Variants in EVI5L observed in about 807,000 individuals in gnomAD.
EVI5L encodes the protein ecotropic viral integration site 5 like.
Under a neutral mutation model 106.1 loss-of-function variants are expected in EVI5L, and 30 were observed. The observed-to-expected ratio is 0.28, with a 90% CI of 0.21 to 0.38. The LOEUF (loss-of-function observed/expected upper bound fraction) is 0.38. Among genes scored for constraint, EVI5L ranks in the 10% least tolerant of loss-of-function variants. The pLI, the probability that EVI5L is intolerant of heterozygous loss-of-function variation, is 1.00. For synonymous variants in EVI5L, 489 were observed against 483.3 expected (o/e 1.01, Z -0.15); for missense variants, 809 against 1,098.0 (o/e 0.74, Z 3.72).
At position 7,846,624 on chromosome 19, in the gene EVI5L, G is replaced by A. The variant is rs1224849186; in HGVS notation, c.82G>A (p.Glu28Lys). The A allele has an allele frequency of 3.1e-6, 5 of 1,613,666 alleles. No homozygotes were observed. Among genetic ancestry groups the A allele is most frequent in the African/African-American group, 1.3e-5 (1 of 74,936 alleles). The change falls in exon 2 of 20, where the codon GAG becomes AAG. Residue 28 changes from glutamate (E) to lysine (K), a missense_variant. Physicochemically the swap from Glu to Lys is moderately conservative, Grantham distance 56. Around this residue, in one of 2 missense-constraint regions of EVI5L, gnomAD observed 357 missense variants for 588.1 expected, o/e 0.61. Transcript: ENST00000538904. ...CACCTGCTCCCCAACCTCTGACTCC[G>A]AGAACCTCAGCCCCGATGAGCTGGA... is the stretch of plus-strand genomic sequence containing the variant. ...APTCSPTSDS[E>K]NLSPDELELL... is the part of the protein sequence containing the mutation.
intron 10 of EVI5L, among the ~76,000 whole-genome samples, chr19:7,854,293 AAAAAG>A (rs1297474285): frequency 5.8e-5 from 8 of 138,560 alleles, no homozygotes; most frequent in African/African-American, 1.8e-4. Context: ...AAAAAAAAAA[AAAAAG>A]AAAAGAAAAG....
chr19:7,858,319 A>T lies in EVI5L; in HGVS notation c.1362A>T (p.Leu454=). 1.9e-6 allele frequency: 3 copies of T among 1,547,212 alleles called. No homozygotes were observed. The South Asian group carries it at 3.6e-5, about 18-fold the overall frequency. Residue 454 remains leucine, a synonymous_variant, in exon 13 of 20, where the codon CTA becomes CTT. Coordinates refer to ENST00000538904, the MANE Select transcript of EVI5L (RefSeq NM_001159944.3). This position sits in a 1 kb window ranked among gnomAD's most constrained non-coding sequence, Gnocchi z 5.7. ...AGGCACAGAGCACCATCCGGCAGCT[A>T]CAGGAGCAGCAGGTAGGGGCGGGTG... is the stretch of plus-strand genomic sequence containing the variant. The part of the protein sequence containing the change: ...LQKAQSTIRQ[L]QEQQENPRLT...
At chr19:7,840,920 T>G (rs755155336) in intron 1 of EVI5L, among the ~76,000 whole-genome samples, 6 of 152,246 alleles carry the variant, frequency 3.9e-5, no homozygotes, top group Non-Finnish European at 8.8e-5. Flanking sequence ...ACAATGCTGC[T>G]GTGAACAGAT....
At chr19:7,840,519 G>A in intron 1 of EVI5L, among the ~76,000 whole-genome samples, 1 of 152,062 alleles carries the variant, frequency 6.6e-6, no homozygotes, top group Non-Finnish European at 1.5e-5. Context: ...ACAGTTTGGT[G>A]GCATTTATTC....
chr19:7,846,471 G>A (rs892668035), intron 1 of EVI5L, 25 bp from the exon 2 acceptor site: 39 of 1,523,022 alleles, frequency 2.6e-5, no homozygotes, highest in African/African-American at 5.6e-5. Context: ...ACCCAATGCC[G>A]ACCACGCATG....
rs1166362601 is a variant in EVI5L, at chr19:7,860,792, C to G, written c.1503+103C>G. ...GACCCCAGGTCAGAATCCCCCACCC[C>G]CATGCACACACAACCATACATATGC... On this transcript the variant is annotated intron_variant, in intron 14 of 19. Coordinates refer to ENST00000538904, the MANE Select transcript of EVI5L (RefSeq NM_001159944.3). 6.1e-6 allele frequency: 8 copies of G among 1,318,488 alleles called. 1 individual carries two copies. The highest frequency in any genetic ancestry group is 8.1e-6 in the Non-Finnish European group (8 of 984,314). The allele number at this position is 1,318,488 out of a possible 1,614,324, so 81.7% of individuals were successfully genotyped here.
In EVI5L at chr19:7,863,123, A is replaced by AGCGGGGCAGGGCCCGGGGCAGGT. The variant is rs1216103108; in HGVS notation, c.2044-55_2044-54insAGGGCCCGGGGCAGGTGCGGGGC. 1 of 1,531,972 alleles carries AGCGGGGCAGGGCCCGGGGCAGGT rather than the reference A, an allele frequency of 6.5e-7. No individual in the cohort carries two copies. The highest frequency in any genetic ancestry group is 8.8e-7 in the Non-Finnish European group (1 of 1,139,656). The allele number at this position is 1,531,972 out of a possible 1,614,324, so 94.9% of individuals were successfully genotyped here. Reference sequence around the variant, plus strand: ...GGGCGGGGGCAGGGCCCGGGGCAGGAGCGGGGCCGGACCCCAGGCCCAGCA... The same window carrying AGCGGGGCAGGGCCCGGGGCAGGT: ...GGGCGGGGGCAGGGCCCGGGGCAGGAGCGGGGCAGGGCCCGGGGCAGGTGCGGGGCCGGACCCCAGGCCCAGCA... On this transcript the variant is annotated intron_variant, in intron 18 of 19. Coordinates refer to ENST00000538904, the MANE Select transcript of EVI5L (RefSeq NM_001159944.3). The surrounding 1 kb of genome is among the most constrained non-coding windows in gnomAD (Gnocchi z 7.7).
chr19:7,858,284 G>A lies in EVI5L; in HGVS notation c.1327G>A (p.Asp443Asn), dbSNP rs1330857854. 1 of 1,551,264 alleles carries A rather than the reference G, an allele frequency of 6.4e-7. No homozygotes were observed. Among genetic ancestry groups the A allele is most frequent in the Non-Finnish European group, 8.7e-7 (1 of 1,147,824 alleles). Residue 443 changes from aspartate (D) to asparagine (N), a missense_variant, in exon 13 of 20, where the codon GAC (aspartate) becomes AAC (asparagine). By Grantham distance (23) the Asp-to-Asn change is conservative (BLOSUM62 1). Around this residue, in one of 2 missense-constraint regions of EVI5L, gnomAD observed 452 missense variants for 509.9 expected, o/e 0.89. Transcript: ENST00000538904. The surrounding 1 kb of genome is among the most constrained non-coding windows in gnomAD (Gnocchi z 5.7). ...GCAGCAGTGCAGCTCGGCGGCCGAG[G>A]ACCTGCAGAAGGCACAGAGCACCAT... The part of the protein sequence containing the change: ...VRQQCSSAAE[D>N]LQKAQSTIRQ...
chr19:7,839,646 G>A (rs1437512972), intron 1 of EVI5L, among the ~76,000 whole-genome samples: 1 of 151,382 alleles, frequency 6.6e-6, no homozygotes, highest in African/African-American at 2.4e-5. Context: ...AGCTTTGGTG[G>A]GGCACGGTGG....
intron 8 of EVI5L, among the ~76,000 whole-genome samples, chr19:7,852,468 C>T (rs928013611): frequency 1.3e-5 from 2 of 152,096 alleles, no homozygotes; most frequent in Non-Finnish European, 2.9e-5. Flanking sequence ...CCTTCCCCCA[C>T]GAAGGTCCCC....
At chr19:7,836,877 C>T (rs960407382) in intron 1 of EVI5L, among the ~76,000 whole-genome samples, 3 of 27,874 alleles carry the variant, frequency 1.1e-4, no homozygotes, top group Non-Finnish European at 2.2e-4. Context: ...AGTGATCTGC[C>T]CCCCCTCAGC....
chr19:7,844,988 T>G (rs1369549362), intron 1 of EVI5L, among the ~76,000 whole-genome samples: 1 of 152,024 alleles, frequency 6.6e-6, no homozygotes, highest in East Asian at 1.9e-4. Context: ...TGTGGGAAGG[T>G]GCCCAGTGAC....
chr19:7,855,186 G>A (rs1169538340), intron 10 of EVI5L, among the ~76,000 whole-genome samples: 2 of 147,898 alleles, frequency 1.4e-5, no homozygotes, highest in African/African-American at 2.5e-5. Flanking sequence ...AGGTGATCTC[G>A]GCTTACTGCA....
intron 1 of EVI5L, among the ~76,000 whole-genome samples, chr19:7,831,063 C>A (rs1978291670): frequency 6.6e-6 from 1 of 151,300 alleles, no homozygotes; most frequent in Non-Finnish European, 1.5e-5. Context: ...AAACACCACT[C>A]CCCGGCGTCC....
chr19:7,841,511 C>T (rs1395938856), intron 1 of EVI5L, among the ~76,000 whole-genome samples: 1 of 152,018 alleles, frequency 6.6e-6, no homozygotes, highest in Non-Finnish European at 1.5e-5. Flanking sequence ...CAGCACTTTC[C>T]GTCCCCACGC....
In EVI5L at chr19:7,838,624, G is replaced by A. The variant is rs181755817; in HGVS notation, c.-47-7872G>A. On this transcript the variant is annotated intron_variant, in intron 1 of 19. Coordinates refer to ENST00000538904, the MANE Select transcript of EVI5L (RefSeq NM_001159944.3). ...GAGCATGTACTGAATGCCAGATAGT[G>A]CATTAGGGGCTTGGAATAGAGAATT... Among the ~76,000 whole-genome samples, 4 of 152,284 alleles carry A rather than the reference G, an allele frequency of 2.6e-5. No individual in the cohort carries two copies. The East Asian group carries it at 7.7e-4, about 29-fold the overall frequency.
intron 5 of EVI5L, among the ~76,000 whole-genome samples, chr19:7,849,760 T>A (rs1599570279): frequency 6.6e-6 from 1 of 152,174 alleles, no homozygotes; most frequent in East Asian, 1.9e-4. Flanking sequence ...CAGCCCTGGG[T>A]TCAGGTCCAG....
chr19:7,863,542 T>A lies in EVI5L; in HGVS notation c.2258T>A (p.Val753Glu). Residue 753 changes from valine to glutamate, a missense_variant, in exon 20 of 20, where the codon GTA becomes GAA. Physicochemically the swap from Val to Glu is moderately radical, Grantham distance 121. Around this residue, in one of 2 missense-constraint regions of EVI5L, gnomAD observed 452 missense variants for 509.9 expected, o/e 0.89. Coordinates refer to ENST00000538904, the MANE Select transcript of EVI5L (RefSeq NM_001159944.3). This position sits in a 1 kb window ranked among gnomAD's most constrained non-coding sequence, Gnocchi z 7.7. The part of the protein sequence containing the change: ...LPSSDEELLG[V>E]GVGAALQDAL... ...TCGTCGGACGAGGAGCTACTTGGCG[T>A]AGGCGTGGGCGCTGCCCTGCAGGAC... 1 of 1,599,828 alleles carries A rather than the reference T, an allele frequency of 6.3e-7. No homozygotes were observed. Among genetic ancestry groups the A allele is most frequent in the Non-Finnish European group, 8.5e-7 (1 of 1,174,170 alleles).
chr19:7,862,126 A>T lies in EVI5L; in HGVS notation c.1649A>T (p.His550Leu). The T allele has an allele frequency of 6.4e-7, 1 of 1,567,446 alleles. No homozygotes were observed. The highest frequency in any genetic ancestry group is 8.6e-7 in the Non-Finnish European group (1 of 1,161,252). Residue 550 changes from histidine to leucine, a missense_variant, in exon 16 of 20, where the codon CAT becomes CTT. This residue lies in a region of EVI5L where 452 missense variants were observed against 509.9 expected (regional missense o/e 0.89). Coordinates refer to ENST00000538904, the MANE Select transcript of EVI5L (RefSeq NM_001159944.3). Reference sequence around the variant, plus strand: ...CTTCTCGGCTTCACCCCCCAGGCCCATCTGGCCCGCGGCGGCCGCTGGAAG... The same window carrying T: ...CTTCTCGGCTTCACCCCCCAGGCCCTTCTGGCCCGCGGCGGCCGCTGGAAG... ...LQELSDTWQA[H>L]LARGGRWKES...
Sources: gnomAD v4.1 joint callset for allele counts (sites outside exome capture counted in the v4.1 genomes callset) on GRCh38, gnomAD v4.1.1 for gene constraint, gnomAD v4.1.1 regional missense constraint, Gnocchi (gnomAD v3.1) non-coding constraint, MANE v1.5 for transcripts, NCBI Gene and HGNC (gene_info 2026-07-23, HGNC 2026-07-21) for gene names.